The following PPARA variants were observed in gnomAD, a reference collection of about 807,000 sequenced individuals.
PPARA encodes the protein peroxisome proliferator-activated receptor alpha.
PPARA carries 22 observed loss-of-function variants against 42.2 expected under a neutral mutation model. That is an observed-to-expected ratio of 0.52 (90% CI 0.37 to 0.74). The LOEUF is 0.74. Ranked by LOEUF, PPARA falls within the 30% of genes least tolerant of loss-of-function variation. The pLI is 0.00. For missense variants in PPARA, 465 were observed against 608.2 expected (o/e 0.76, Z 2.48); for synonymous variants, 242 against 239.3 (o/e 1.01, Z -0.10).
rs546714168 is a variant in PPARA at position 46,170,247 on chromosome 22, GTTGT to G, written c.-126-6499_-126-6496del. On this transcript the variant is annotated intron_variant, in intron 2 of 8. Coordinates refer to ENST00000407236, the MANE Select transcript of PPARA (RefSeq NM_005036.6). ...TGTTTTTGGTGGCAGGGGGGTGGGA[GTTGT>G]TTGTTTTGTTTTGTTGAGACACGGT... Among the ~76,000 whole-genome samples, 99 of 151,022 alleles carry G rather than the reference GTTGT, an allele frequency of 6.6e-4. 2 individuals are homozygous for G. Among genetic ancestry groups the G allele is most frequent in the Admixed American group, 1.7e-3 (26 of 15,030 alleles).
chr22:46,161,137 G>A lies in PPARA; in HGVS notation c.-127+9167G>A, dbSNP rs1012346158. Among the ~76,000 whole-genome samples, 26 of 152,112 alleles carry A rather than the reference G, an allele frequency of 1.7e-4. No individual in the cohort carries two copies. Among genetic ancestry groups the A allele is most frequent in the African/African-American group, 5.8e-4 (24 of 41,416 alleles). On this transcript the variant is annotated intron_variant, in intron 2 of 8. Coordinates refer to ENST00000407236, the MANE Select transcript of PPARA (RefSeq NM_005036.6). This position sits in a 1 kb window ranked among gnomAD's most constrained non-coding sequence, Gnocchi z 4.8. ...TGGCCATGGACTCAGAGAAAACCAC[G>A]GCAGCTTCCATGGACTCATAAAAAG...
chr22:46,189,716 T>C (rs1019632391), intron 3 of PPARA, among the ~76,000 whole-genome samples: 6 of 151,798 alleles, frequency 4.0e-5, no homozygotes, highest in Non-Finnish European at 8.8e-5. Context: ...TTTTTTCTTT[T>C]TTTTTTTTGA....
In PPARA at chr22:46,232,089, G is replaced by A; in HGVS notation, c.1009G>A (p.Gly337Arg). 1 of 1,614,206 alleles carries A rather than the reference G, an allele frequency of 6.2e-7. No individual in the cohort carries two copies. The highest frequency in any genetic ancestry group is 8.5e-7 in the Non-Finnish European group (1 of 1,180,042). ...CGGGATGCTGGTAGCGTATGGAAAT[G>A]GGTTTATAACTCGTGAATTCCTAAA... Reference protein sequence around the residue: ...KDGMLVAYGNGFITREFLKSL... With the variant: ...KDGMLVAYGNRFITREFLKSL... The change falls in exon 8 of 9, where the codon GGG becomes AGG. Residue 337 changes from glycine (G) to arginine (R), a missense_variant. Gly to Arg is a moderately radical substitution (Grantham distance 125). This residue lies in a region of PPARA where 313 missense variants were observed against 469.1 expected (regional missense o/e 0.67). Transcript: ENST00000407236. The surrounding 1 kb of genome is among the most constrained non-coding windows in gnomAD (Gnocchi z 5.3).
At position 46,215,273 on chromosome 22, in the gene PPARA, A is replaced by C; in HGVS notation, c.309A>C (p.Arg103Ser). The change falls in exon 5 of 9, where the codon AGA becomes AGC. Residue 103 changes from arginine (R) to serine (S), a missense_variant. Coordinates refer to ENST00000407236, the MANE Select transcript of PPARA (RefSeq NM_005036.6). Reference protein sequence around the residue: ...SPSGALNIECRICGDKASGYH... With the variant: ...SPSGALNIECSICGDKASGYH... ...GTGGAGCATTGAACATCGAATGTAG[A>C]ATCTGCGGGGACAAGGCCTCAGGCT... The C allele has an allele frequency of 6.2e-7, 1 of 1,614,124 alleles. No individual in the cohort carries two copies. Among genetic ancestry groups the C allele is most frequent in the Non-Finnish European group, 8.5e-7 (1 of 1,180,028 alleles).
rs1294575007 is a variant in PPARA at position 46,219,307 on chromosome 22, C to T, written c.509-505C>T. Among the ~76,000 whole-genome samples, 2 of 152,198 alleles carry T rather than the reference C, an allele frequency of 1.3e-5. No individual in the cohort carries two copies. The highest frequency in any genetic ancestry group is 2.1e-4 in the South Asian group (1 of 4,834). ...CACCAAAATGACAGAATGTTCACCT[C>T]GTCCATAGGAAGGGTGTACCACCTC... On this transcript the variant is annotated intron_variant, in intron 6 of 8. Transcript: ENST00000407236. This position sits in a 1 kb window ranked among gnomAD's most constrained non-coding sequence, Gnocchi z 4.8.
intron 4 of PPARA, 67 bp downstream of exon 4, chr22:46,198,658 CTTTTTTT>C: frequency 3.1e-5 from 26 of 843,130 alleles, no homozygotes; most frequent in East Asian, 6.8e-5. Context: ...ACTGTTCTCT[CTTTTTTT>C]TTTTTTTTTT....
At position 46,243,012 on chromosome 22, in the gene PPARA, A is replaced by G. The variant is rs1936418000; in HGVS notation, c.*7632A>G. ...GTTACCTATGGGTTATTACCAAAGA[A>G]CGCTGGCAATTGGAAATGTCCTGAT... On this transcript the variant is annotated 3_prime_UTR_variant, in exon 9 of 9. Coordinates refer to ENST00000407236, the MANE Select transcript of PPARA (RefSeq NM_005036.6). This position sits in a 1 kb window ranked among gnomAD's most constrained non-coding sequence, Gnocchi z 5.0. 6.6e-6 allele frequency: 1 copy of G among 152,642 alleles called. No homozygotes were observed. Among genetic ancestry groups the G allele is most frequent in the Admixed American group, 6.5e-5 (1 of 15,276 alleles). The allele number at this position is 152,642 out of a possible 1,614,324, so 9.5% of individuals were successfully genotyped here.
chr22:46,168,376 AAAG>A lies in PPARA; in HGVS notation c.-126-8371_-126-8369del, dbSNP rs1927435996. 5.4e-5 allele frequency among the ~76,000 whole-genome samples: 8 copies of A among 148,176 alleles called. 1 individual carries two copies. Among genetic ancestry groups the A allele is most frequent in the African/African-American group, 1.7e-4 (7 of 40,204 alleles). On this transcript the variant is annotated intron_variant, in intron 2 of 8. Coordinates refer to ENST00000407236, the MANE Select transcript of PPARA (RefSeq NM_005036.6). ...CAAAAAAAAAAAAAAAAAAAAAAAA[AAAG>A]AAGAAAGCATAAACTATAAAAGAAA...
chr22:46,218,115 T>A (rs1316630831), intron 5 of PPARA, 148 bp from the exon 6 acceptor site: 1 of 1,106,868 alleles, frequency 9.0e-7, no homozygotes, highest in Non-Finnish European at 1.3e-6. Flanking sequence ...ACAGGCATGA[T>A]CACCATGCCT....
intron 2 of PPARA, among the ~76,000 whole-genome samples, chr22:46,166,120 T>C (rs1461443404): frequency 1.3e-5 from 2 of 152,256 alleles, no homozygotes; most frequent in Admixed American, 6.5e-5. Context: ...GTACAAGCTC[T>C]GCCGCCAGTT....
In PPARA at chr22:46,232,807, C is replaced by A. The variant is rs1396718221; in HGVS notation, c.1159+568C>A. Among the ~76,000 whole-genome samples, 2 of 148,692 alleles carry A rather than the reference C, an allele frequency of 1.3e-5. No individual in the cohort carries two copies. Among genetic ancestry groups the A allele is most frequent in the African/African-American group, 2.5e-5 (1 of 39,812 alleles). On this transcript the variant is annotated intron_variant, in intron 8 of 8. Transcript: ENST00000407236. The surrounding 1 kb of genome is among the most constrained non-coding windows in gnomAD (Gnocchi z 5.3). Reference sequence around the variant, plus strand: ...CCTGGGCAACATGGCAAGACCCCGTCTCTACAAAAAAAAAAATAGAAAAAA... The same window carrying A: ...CCTGGGCAACATGGCAAGACCCCGTATCTACAAAAAAAAAAATAGAAAAAA...
At chr22:46,206,439 A>G (rs1933317450) in intron 4 of PPARA, among the ~76,000 whole-genome samples, 1 of 152,100 alleles carries the variant, frequency 6.6e-6, no homozygotes, top group Admixed American at 6.6e-5. Context: ...TTAAGATTCC[A>G]CTTTATCTCC....
At position 46,234,203 on chromosome 22, in the gene PPARA, G is replaced by A. The variant is rs1048395445; in HGVS notation, c.1160-930G>A. On this transcript the variant is annotated intron_variant, in intron 8 of 8. Coordinates refer to ENST00000407236, the MANE Select transcript of PPARA (RefSeq NM_005036.6). This position sits in a 1 kb window ranked among gnomAD's most constrained non-coding sequence, Gnocchi z 5.8. ...GAGGCAGGAGGATTGCTTGAGCCTA[G>A]GAGTTCCAGTCCAGCCTAAGCAACA... Among the ~76,000 whole-genome samples the A allele has an allele frequency of 6.6e-6, 1 of 152,106 alleles. No homozygotes were observed. The highest frequency in any genetic ancestry group is 2.4e-5 in the African/African-American group (1 of 41,418).
chr22:46,198,703 C>G, intron 4 of PPARA, 112 bp downstream of exon 4: 5 of 1,129,618 alleles, frequency 4.4e-6, no homozygotes, highest in Non-Finnish European at 6.3e-6. Context: ...CTCTGTCGCC[C>G]AGGCTGGAGT....
rs369697596 is a variant in PPARA at position 46,175,488 on chromosome 22, C to T, written c.-126-1265C>T. The stretch of plus-strand genomic sequence containing the variant: ...CAGCACTTTGGGAGGCCGAGGCAGG[C>T]GGATCACGAGGTCAGGAGATCGAGA... On this transcript the variant is annotated intron_variant, in intron 2 of 8. Transcript: ENST00000407236. 7.9e-5 allele frequency among the ~76,000 whole-genome samples: 12 copies of T among 151,534 alleles called. No individual in the cohort carries two copies. The East Asian group carries it at 1.4e-3, about 17-fold the overall frequency.
chr22:46,220,734 G>C (rs1934935519), intron 7 of PPARA: 1 of 151,878 alleles, frequency 6.6e-6, no homozygotes, highest in Non-Finnish European at 1.5e-5. Flanking sequence ...CTTGAGTCCA[G>C]GAGTTTGATA....
intron 3 of PPARA, among the ~76,000 whole-genome samples, chr22:46,185,961 A>G (rs1930730577): frequency 3.4e-5 from 2 of 58,824 alleles, no homozygotes; most frequent in Non-Finnish European, 8.2e-5. Context: ...ATATATATAT[A>G]TATACACACA....
At chr22:46,178,466 G>C (rs903017788) in intron 3 of PPARA, among the ~76,000 whole-genome samples, 1 of 152,214 alleles carries the variant, frequency 6.6e-6, no homozygotes, top group Non-Finnish European at 1.5e-5. Context: ...AGAGTTTCCA[G>C]GTTGCAGTGC....
In PPARA at chr22:46,241,266, T is replaced by C. The variant is rs2147750233; in HGVS notation, c.*5886T>C. 6.6e-6 allele frequency: 1 copy of C among 152,340 alleles called. No individual in the cohort carries two copies. The highest frequency in any genetic ancestry group is 3.4e-3 in the Middle Eastern group (1 of 294). 9.4% of individuals were successfully genotyped at this position (152,340 alleles called of 1,614,324 possible). Reference sequence around the variant, plus strand: ...TTGACAGCATTCAGGAAAACGGTTATTGACCCCATAGACTAGGGTAAGAAT... The same window carrying C: ...TTGACAGCATTCAGGAAAACGGTTACTGACCCCATAGACTAGGGTAAGAAT... On this transcript the variant is annotated 3_prime_UTR_variant, in exon 9 of 9. Coordinates refer to ENST00000407236, the MANE Select transcript of PPARA (RefSeq NM_005036.6). The surrounding 1 kb of genome is among the most constrained non-coding windows in gnomAD (Gnocchi z 5.7).
Sources: allele counts gnomAD v4.1 joint callset (sites outside exome capture counted in the v4.1 genomes callset), GRCh38; gene constraint gnomAD v4.1.1; regional missense constraint gnomAD v4.1.1; non-coding constraint Gnocchi (gnomAD v3.1); transcripts MANE v1.5; gene names NCBI Gene and HGNC (gene_info 2026-07-23, HGNC 2026-07-21).